Variants in PCDHA4 observed in about 807,000 individuals in gnomAD.
PCDHA4 encodes protocadherin alpha-4.
A neutral mutation model predicts 61.4 loss-of-function variants in PCDHA4; 49 were observed. That is an observed-to-expected ratio of 0.80 (90% CI 0.63 to 1.01). The LOEUF (loss-of-function observed/expected upper bound fraction) is 1.01. Ranked by LOEUF, PCDHA4 falls within the 50% of genes least tolerant of loss-of-function variation. The pLI, the probability that PCDHA4 is intolerant of heterozygous loss-of-function variation, is 0.00. For missense variants in PCDHA4, 1,254 were observed against 1,235.8 expected (o/e 1.01, Z -0.22); for synonymous variants, 590 against 550.3 (o/e 1.07, Z -1.01).
intron 1 of PCDHA4, chr5:140,834,842 A>C: frequency 6.2e-7 from 1 of 1,611,330 alleles, no homozygotes; most frequent in Non-Finnish European, 8.5e-7. Flanking sequence ...CTCGGTTTCC[A>C]CTAGAGGGCG....
chr5:140,876,194 C>G (rs782432614), intron 1 of PCDHA4: 38 of 1,613,742 alleles, frequency 2.4e-5, no homozygotes, highest in Non-Finnish European at 2.9e-5. Context: ...AATGGTCCGG[C>G]GTTTGATAAG....
At chr5:140,892,980 G>T (rs568292110) in intron 1 of PCDHA4, among the ~76,000 whole-genome samples, 192 of 152,148 alleles carry the variant, frequency 1.3e-3, no homozygotes, top group African/African-American at 4.5e-3. Flanking sequence ...TGTAGCTGCC[G>T]TATAAGTGAG....
At chr5:141,002,565 G>A (rs782803550) in intron 3 of PCDHA4, among the ~76,000 whole-genome samples, 9 of 152,196 alleles carry the variant, frequency 5.9e-5, no homozygotes, top group Non-Finnish European at 2.9e-5. Flanking sequence ...ACCAGTTAGT[G>A]ACCATGTGAC....
intron 1 of PCDHA4, chr5:140,876,308 A>G: frequency 6.2e-7 from 1 of 1,614,070 alleles, no homozygotes; most frequent in Non-Finnish European, 8.5e-7. Flanking sequence ...GAAATTTCCT[A>G]TGGGATCAAA....
In PCDHA4 at chr5:140,809,539, T is replaced by A. The variant is rs782730163; in HGVS notation, c.2352T>A (p.Asp784Glu). Reference sequence around the variant, plus strand: ...TACCTGACTCTAGGGACAGAGAAGATCAGCTGCAGACAACTGAGGAATCCT... The same window carrying A: ...TACCTGACTCTAGGGACAGAGAAGAACAGCTGCAGACAACTGAGGAATCCT... ...PSLPDSRDRE[D>E]QLQTTEESFA... is the part of the protein sequence containing the mutation. Residue 784 changes from aspartate (D) to glutamate (E), a missense_variant, in exon 1 of 4, where the codon GAT becomes GAA. By Grantham distance (45) the Asp-to-Glu change is conservative. Transcript: ENST00000530339. 6.2e-6 allele frequency: 10 copies of A among 1,613,610 alleles called. No homozygotes were observed. Among genetic ancestry groups the A allele is most frequent in the Non-Finnish European group, 8.5e-6 (10 of 1,179,810 alleles).
chr5:140,986,947 C>T (rs983987541), intron 3 of PCDHA4, among the ~76,000 whole-genome samples: 1 of 152,160 alleles, frequency 6.6e-6, no homozygotes, highest in African/African-American at 2.4e-5. Context: ...GGTGTGGTCG[C>T]TCATGCCTGT....
In PCDHA4 at chr5:140,843,411, A is replaced by G. The variant is rs2150359358; in HGVS notation, c.2385+33839A>G. On this transcript the variant is annotated intron_variant, in intron 1 of 3. Transcript: ENST00000530339. The stretch of plus-strand genomic sequence containing the variant: ...CCGGAAGCGGCGCTGGTGGATGTCA[A>G]CGTGTACCTGATCATCGCCATCTGC... 2.5e-5 allele frequency: 40 copies of G among 1,596,006 alleles called. 6 individuals carry two copies. The highest frequency in any genetic ancestry group is 1.1e-4 in the African/African-American group (8 of 74,534).
chr5:140,949,915 T>A (rs1459531816), intron 1 of PCDHA4, among the ~76,000 whole-genome samples: 1 of 151,274 alleles, frequency 6.6e-6, no homozygotes, highest in African/African-American at 2.4e-5. Context: ...TAGATATAAC[T>A]ATTTTTAGAT....
At chr5:140,828,556 G>A in intron 1 of PCDHA4, 1 of 1,614,252 alleles carries the variant, frequency 6.2e-7, no homozygotes. Context: ...TTCCACTGGA[G>A]GGCGCGTCCG....
intron 1 of PCDHA4, chr5:140,853,974 A>G: frequency 1.7e-6 from 1 of 605,490 alleles, no homozygotes; most frequent in Non-Finnish European, 2.1e-6. Flanking sequence ...GCAGTTTGAG[A>G]CCAATGTAGT....
At chr5:140,969,935 T>C (rs1490184904) in intron 1 of PCDHA4, among the ~76,000 whole-genome samples, 2 of 152,222 alleles carry the variant, frequency 1.3e-5, no homozygotes, top group Non-Finnish European at 2.9e-5. Context: ...TTAGACATCA[T>C]ACTGAAGCTA....
chr5:140,882,245 G>A, intron 1 of PCDHA4: 1 of 1,592,614 alleles, frequency 6.3e-7, no homozygotes, highest in Non-Finnish European at 8.6e-7. Context: ...ATTGCAGATA[G>A]CTCTGAGGTT....
At chr5:140,968,106 C>T (rs1554230344) in intron 1 of PCDHA4, 8 of 1,614,016 alleles carry the variant, frequency 5.0e-6, no homozygotes, top group East Asian at 2.2e-5. Flanking sequence ...GGGGGAATAC[C>T]GCAGCTCACA....
chr5:140,967,728 G>C (rs781785028), intron 1 of PCDHA4: 13 of 1,614,176 alleles, frequency 8.1e-6, no homozygotes, highest in Non-Finnish European at 1.1e-5. Flanking sequence ...CGAGTAATTG[G>C]GGGGCTGGAT....
At chr5:140,849,211 C>G (rs2040817305) in intron 1 of PCDHA4, 1 of 1,031,974 alleles carries the variant, frequency 9.7e-7, no homozygotes, top group East Asian at 2.6e-5. Flanking sequence ...AATGACAATG[C>G]CCCAGTGTTC....
intron 1 of PCDHA4, chr5:140,812,413 T>C (rs2126638676): frequency 6.6e-6 from 1 of 152,122 alleles, no homozygotes; most frequent in African/African-American, 2.4e-5. Context: ...GTCAGTTTTG[T>C]TGTTTTTTCA....
intron 3 of PCDHA4, among the ~76,000 whole-genome samples, chr5:141,007,365 A>G (rs1027558453): frequency 6.7e-6 from 1 of 149,886 alleles, no homozygotes; most frequent in African/African-American, 2.5e-5. Context: ...AGCCTGGGCA[A>G]CATGATGGAA....
intron 1 of PCDHA4, chr5:140,930,064 C>G (rs2153602971): frequency 6.6e-6 from 1 of 152,306 alleles, no homozygotes; most frequent in Non-Finnish European, 1.5e-5. Context: ...TACACAAAAA[C>G]TGTAAGCCTC....
intron 1 of PCDHA4, among the ~76,000 whole-genome samples, chr5:140,900,569 A>G (rs1166977648): frequency 2.6e-5 from 4 of 152,182 alleles, no homozygotes; most frequent in African/African-American, 9.7e-5. Context: ...GAGCCACGGC[A>G]CCGGCCCATT....
Sources: allele counts gnomAD v4.1 joint callset (sites outside exome capture counted in the v4.1 genomes callset), GRCh38; gene constraint gnomAD v4.1.1; transcripts MANE v1.5; gene names NCBI Gene and HGNC (gene_info 2026-07-23, HGNC 2026-07-21).